VTI1A: variants seen among roughly 807,000 people sequenced by gnomAD.
The protein encoded by VTI1A is vesicle transport through interaction with t-SNAREs homolog 1A.
VTI1A carries 22 observed loss-of-function variants against 34.9 expected under a neutral mutation model. The ratio of observed to expected loss-of-function variants is 0.63; its 90% confidence interval spans 0.45 to 0.90. The LOEUF (loss-of-function observed/expected upper bound fraction) is 0.90. Ranked by LOEUF, VTI1A falls within the 40% of genes least tolerant of loss-of-function variation. The pLI, the probability that VTI1A is intolerant of heterozygous loss-of-function variation, is 0.00. For synonymous variants in VTI1A, 87 were observed against 97.3 expected, an observed-to-expected ratio of 0.89 and a Z score of 0.62; for missense variants, 268 against 275.6, an observed-to-expected ratio of 0.97 and a Z score of 0.20.
chr10:112,516,990 A>G (rs981157486), intron 3 of VTI1A, among the ~76,000 whole-genome samples: 12 of 152,104 alleles, frequency 7.9e-5, no homozygotes, highest in Admixed American at 3.9e-4. Context: ...GAATATGCAG[A>G]AAACATCTTT....
At chr10:112,794,908 A>C (rs1852619040) in intron 7 of VTI1A, among the ~76,000 whole-genome samples, 1 of 152,244 alleles carries the variant, frequency 6.6e-6, no homozygotes, top group Non-Finnish European at 1.5e-5. Flanking sequence ...AGCATTCGTG[A>C]CAACCCTCAA....
At chr10:112,747,646 C>A (rs977188815) in intron 7 of VTI1A, among the ~76,000 whole-genome samples, 4 of 152,134 alleles carry the variant, frequency 2.6e-5, no homozygotes, top group Non-Finnish European at 4.4e-5. Flanking sequence ...GGTAAGGGAG[C>A]AAAATAAATA....
At chr10:112,452,996 A>G (rs570607685) in intron 1 of VTI1A, among the ~76,000 whole-genome samples, 19 of 152,230 alleles carry the variant, frequency 1.2e-4, no homozygotes, top group Admixed American at 2.6e-4. Flanking sequence ...CCAGGATCCA[A>G]TCTGGGACAC....
At chr10:112,811,711 A>AG (rs1554965461) in intron 7 of VTI1A, among the ~76,000 whole-genome samples, 35,747 of 115,394 alleles carry the variant, frequency 0.31, 13,101 homozygotes, top group South Asian at 0.41. Flanking sequence ...AAAAAAAAAA[A>AG]AGAGTGCAGT....
At chr10:112,532,154 G>C (rs1850468500) in intron 4 of VTI1A, among the ~76,000 whole-genome samples, 1 of 152,066 alleles carries the variant, frequency 6.6e-6, no homozygotes, top group Admixed American at 6.6e-5. Flanking sequence ...TATAACAAAT[G>C]AAATAACAGA....
At chr10:112,830,851 T>TATATATA in the VTI1A span, among the ~76,000 whole-genome samples, 5 of 38,010 alleles carry the variant, frequency 1.3e-4, no homozygotes, top group South Asian at 1.3e-3. Context: ...ATATATATAT[T>TATATATA]TTTTTTTTTT....
chr10:112,587,872 C>T (rs1190524948), intron 5 of VTI1A, among the ~76,000 whole-genome samples: 1 of 151,998 alleles, frequency 6.6e-6, no homozygotes, highest in Non-Finnish European at 1.5e-5. Context: ...GCTTCTGCTG[C>T]CTTCTTACAT....
At chr10:112,645,002 A>G (rs1846719281) in intron 5 of VTI1A, among the ~76,000 whole-genome samples, 1 of 152,244 alleles carries the variant, frequency 6.6e-6, no homozygotes. Context: ...GTTCTATTAA[A>G]ACGTATAGAT....
intron 5 of VTI1A, among the ~76,000 whole-genome samples, chr10:112,637,227 T>A (rs1326566680): frequency 6.6e-6 from 1 of 152,240 alleles, no homozygotes; most frequent in Non-Finnish European, 1.5e-5. Flanking sequence ...TTTTATGATG[T>A]TTATTCATTG....
rs75609319 is a variant in VTI1A at position 112,762,160 on chromosome 10, G to A, written c.561-53130G>A. Among the ~76,000 whole-genome samples, 16 of 152,264 alleles carry A rather than the reference G, an allele frequency of 1.1e-4. No individual in the cohort carries two copies. The South Asian group carries it at 2.7e-3, about 26-fold the overall frequency. ...AAGGGTGGCCAAACACTGGCATCGC[G>A]GTTACTTCAGGTCTTATTTCACATG... On this transcript the variant is annotated intron_variant, in intron 7 of 7. Transcript: ENST00000393077.
chr10:112,487,266 G>A (rs187776938), intron 3 of VTI1A, among the ~76,000 whole-genome samples: 1 of 152,266 alleles, frequency 6.6e-6, no homozygotes, highest in East Asian at 1.9e-4. Flanking sequence ...TGGGACTATG[G>A]TTGTGTGCCA....
chr10:112,684,106 A>C (rs953115857), intron 7 of VTI1A, among the ~76,000 whole-genome samples: 3 of 152,018 alleles, frequency 2.0e-5, no homozygotes, highest in African/African-American at 7.2e-5. Flanking sequence ...ACAGGGAGAA[A>C]ATTATTCATA....
intron 3 of VTI1A, among the ~76,000 whole-genome samples, chr10:112,488,226 A>G (rs1848706845): frequency 6.6e-6 from 1 of 152,214 alleles, no homozygotes; most frequent in Admixed American, 6.5e-5. Context: ...CTCCAACTAC[A>G]TTATATGCTA....
intron 7 of VTI1A, 151 bp from the exon 8 acceptor site, chr10:112,815,139 G>GCGCGCGCACACACA (rs879013051): frequency 1.2e-5 from 2 of 173,480 alleles, no homozygotes; most frequent in African/African-American, 3.3e-5. Flanking sequence ...TTTCGCGCGC[G>GCGCGCGCACACACA]CACACACACA....
intron 7 of VTI1A, among the ~76,000 whole-genome samples, chr10:112,769,679 T>G (rs1218660392): frequency 6.6e-6 from 1 of 152,208 alleles, no homozygotes; most frequent in Non-Finnish European, 1.5e-5. Flanking sequence ...TTTCAATCCA[T>G]GCATCCCATT....
intron 7 of VTI1A, among the ~76,000 whole-genome samples, chr10:112,695,089 AT>A (rs1032769018): frequency 6.6e-6 from 1 of 152,046 alleles, no homozygotes. Flanking sequence ...AACACATGAA[AT>A]TTTTTTTGAG....
chr10:112,569,351 C>G (rs1001138486), intron 5 of VTI1A, among the ~76,000 whole-genome samples: 66 of 152,218 alleles, frequency 4.3e-4, no homozygotes, highest in African/African-American at 1.4e-3. Context: ...AATAAGTATA[C>G]TGAGGTCCAG....
intron 7 of VTI1A, among the ~76,000 whole-genome samples, chr10:112,714,911 C>T (rs750443948): frequency 6.6e-6 from 1 of 152,144 alleles, no homozygotes; most frequent in Non-Finnish European, 1.5e-5. Flanking sequence ...TGATGTGCAC[C>T]GTGTTCATGG....
At chr10:112,451,814 A>G (rs1356080370) in intron 1 of VTI1A, among the ~76,000 whole-genome samples, 2 of 152,162 alleles carry the variant, frequency 1.3e-5, no homozygotes, top group Non-Finnish European at 2.9e-5. Context: ...GTTCATGAAT[A>G]TTGTGGTTTG....
Sources: allele counts gnomAD v4.1 joint callset (sites outside exome capture counted in the v4.1 genomes callset), GRCh38; gene constraint gnomAD v4.1.1; transcripts MANE v1.5; gene names NCBI Gene and HGNC (gene_info 2026-07-23, HGNC 2026-07-21).